Variants in CCAR1 observed in about 807,000 individuals in gnomAD.
CCAR1 encodes cell division cycle and apoptosis regulator protein 1.
CCAR1 carries 78 observed loss-of-function variants against 163.8 expected under a neutral mutation model. The observed-to-expected ratio is 0.48, with a 90% CI of 0.40 to 0.57. The LOEUF is 0.57. CCAR1 is among the 20% of genes least tolerant of loss of function. CCAR1 has a pLI of 0.00. For synonymous variants in CCAR1, 443 were observed against 460.7 expected (o/e 0.96, Z 0.49); for missense variants, 1,019 against 1,365.2 (o/e 0.75, Z 4.00).
chr10:68,755,285 G>A (rs2056384378), intron 12 of CCAR1, 85 bp from the exon 13 acceptor site: 1 of 1,221,150 alleles, frequency 8.2e-7, no homozygotes, highest in South Asian at 1.2e-5. Flanking sequence ...ATATTGGAAA[G>A]GTTTGTACCT....
intron 24 of CCAR1, among the ~76,000 whole-genome samples, chr10:68,790,295 C>T (rs1171009443): frequency 1.3e-5 from 2 of 150,854 alleles, no homozygotes; most frequent in African/African-American, 4.9e-5. Context: ...GCAGAGGTTT[C>T]AGTGAGTCTA....
rs776675130 is a variant in CCAR1, at chr10:68,749,165, G to T, written c.856G>T (p.Val286Phe). 2.5e-6 allele frequency: 4 copies of T among 1,613,674 alleles called. No homozygotes were observed. In the African/African-American group the frequency reaches 5.3e-5, roughly 22 times the overall value. ...TTTATTGCAGCCTCCTGTTCGTATA[G>T]TTTCACAGCCACAACCGGCACGACG... ...AGLLQPPVRI[V>F]SQPQPARRLD... The change falls in exon 9 of 25, where the codon GTT becomes TTT. Residue 286 changes from valine (V) to phenylalanine (F), a missense_variant. Coordinates refer to ENST00000265872, the MANE Select transcript of CCAR1 (RefSeq NM_018237.4).
rs140825306 is a variant in CCAR1, at chr10:68,787,935, G to A, written c.2889G>A (p.Lys963=). The change falls in exon 22 of 25, where the codon AAG becomes AAA. Residue 963 remains lysine (K), a synonymous_variant. Transcript: ENST00000265872. The stretch of plus-strand genomic sequence containing the variant: ...ACTTGCATGCATAACAGGTAAAGAA[G>A]CTTCTTAATAAAGTAGTGCTCCGTG... ...GLHLSRAQVK[K]LLNKVVLRES... 483 of 1,604,772 alleles carry A rather than the reference G, an allele frequency of 3.0e-4. 4 individuals carry two copies. The African/African-American group carries it at 5.9e-3, about 20-fold the overall frequency.
Position 68,791,596 on chromosome 10 carries a change from C to G in CCAR1, c.*330C>G, listed in dbSNP as rs4746788. 0.073 allele frequency: 11,887 copies of G among 162,998 alleles called. 1,260 individuals are homozygous for G. The highest frequency in any genetic ancestry group is 0.24 in the African/African-American group (10,124 of 41,896). The allele number at this position is 162,998 out of a possible 1,614,324, so 10.1% of individuals were successfully genotyped here. A position where few individuals can be genotyped will look rare whatever the true frequency, so the allele number is the denominator to read the frequency against. On this transcript the variant is annotated 3_prime_UTR_variant, in exon 25 of 25. Transcript: ENST00000265872. ...TACCAAATTTCTTTTATTAAAATGC[C>G]TAGAAATTTTTAATTTATAGAATTA... is the stretch of plus-strand genomic sequence containing the variant.
chr10:68,749,690 GTTA>G lies in CCAR1; in HGVS notation c.1118+8_1118+10del. On this transcript the variant is annotated splice_donor_region_variant and intron_variant, in intron 10 of 24. Transcript: ENST00000265872. ...TTCAAAGTTTTCTTTAGATTGGTAG[GTTA>G]TTCCCCACCCATTGTTTTCTTGAGT... is the stretch of plus-strand genomic sequence containing the variant. 1 of 1,595,078 alleles carries G rather than the reference GTTA, an allele frequency of 6.3e-7. No individual in the cohort carries two copies. The highest frequency in any genetic ancestry group is 8.6e-7 in the Non-Finnish European group (1 of 1,165,828).
chr10:68,771,653 C>T (rs1378883124), intron 18 of CCAR1, among the ~76,000 whole-genome samples: 2 of 152,006 alleles, frequency 1.3e-5, no homozygotes, highest in African/African-American at 4.8e-5. Context: ...CATGATGGCA[C>T]ATGCCTATAG....
intron 10 of CCAR1, 98 bp from the exon 11 acceptor site, chr10:68,753,754 A>G (rs906701354): frequency 4.6e-6 from 4 of 866,816 alleles, no homozygotes; most frequent in Non-Finnish European, 7.3e-6. Context: ...TTTTCAGCTT[A>G]CTTTTTACTA....
At chr10:68,741,495 G>A (rs2056183628) in intron 5 of CCAR1, among the ~76,000 whole-genome samples, 2 of 152,042 alleles carry the variant, frequency 1.3e-5, no homozygotes, top group Non-Finnish European at 1.5e-5. Context: ...TATAAACTAC[G>A]TAAAAAGAGC....
At chr10:68,754,488 G>C (rs1415069684) in intron 11 of CCAR1, among the ~76,000 whole-genome samples, 2 of 152,152 alleles carry the variant, frequency 1.3e-5, no homozygotes, top group Admixed American at 1.3e-4. Flanking sequence ...CCCTTCAAAA[G>C]TTAAAACTAA....
In CCAR1 at chr10:68,753,867, G is replaced by C. The variant is rs1378620993; in HGVS notation, c.1134G>C (p.Met378Ile). 2 of 1,613,368 alleles carry C rather than the reference G, an allele frequency of 1.2e-6. No individual in the cohort carries two copies. The highest frequency in any genetic ancestry group is 1.7e-6 in the Non-Finnish European group (2 of 1,179,404). ...KFSLDCPSCDMMELRRRYQNL... is the reference protein window; with the variant it reads ...KFSLDCPSCDIMELRRRYQNL... ...TGTTTTTCAGTCCCAGTTGTGACATGATGGAACTAAGGCGCCGTTATCAAA... is the reference window on the plus strand; with the variant it reads ...TGTTTTTCAGTCCCAGTTGTGACATCATGGAACTAAGGCGCCGTTATCAAA... Residue 378 changes from methionine to isoleucine, a missense_variant, in exon 11 of 25, where the codon ATG (methionine) becomes ATC (isoleucine). By Grantham distance (10) the Met-to-Ile change is conservative. Around this residue, in one of 4 missense-constraint regions of CCAR1, gnomAD observed 644 missense variants for 904.4 expected, o/e 0.71. Coordinates refer to ENST00000265872, the MANE Select transcript of CCAR1 (RefSeq NM_018237.4).
chr10:68,736,647 A>G (rs2056114777), intron 2 of CCAR1, among the ~76,000 whole-genome samples: 1 of 152,144 alleles, frequency 6.6e-6, no homozygotes, highest in Non-Finnish European at 1.5e-5. Context: ...GGTGCAAATT[A>G]CCGGATATTC....
chr10:68,768,617 T>TA (rs747764016), intron 17 of CCAR1, among the ~76,000 whole-genome samples: 3 of 151,814 alleles, frequency 2.0e-5, no homozygotes, highest in African/African-American at 2.4e-5. Flanking sequence ...TCTCAAAAAA[T>TA]AAAAAAAGTA....
intron 2 of CCAR1, among the ~76,000 whole-genome samples, chr10:68,731,264 C>CAGAATTCTAATTACAGAATT: frequency 6.6e-6 from 1 of 152,280 alleles, no homozygotes; most frequent in Admixed American, 6.5e-5. Flanking sequence ...GAATTACTTG[C>CAGAATTCTAATTACAGAATT]AGAATGTTGA....
At chr10:68,758,042 TA>T (rs2056417829) in intron 15 of CCAR1, among the ~76,000 whole-genome samples, 1 of 151,918 alleles carries the variant, frequency 6.6e-6, no homozygotes, top group Admixed American at 6.6e-5. Context: ...TGCCTGGCCG[TA>T]ATTTGGTTTT....
At chr10:68,783,570 C>A (rs1031616821) in intron 19 of CCAR1, among the ~76,000 whole-genome samples, 18 of 152,028 alleles carry the variant, frequency 1.2e-4, no homozygotes, top group African/African-American at 2.4e-5. Flanking sequence ...GAGTTCGAGA[C>A]CAGCCTGGCC....
intron 17 of CCAR1, among the ~76,000 whole-genome samples, chr10:68,766,902 A>G (rs954943176): frequency 3.3e-5 from 5 of 152,126 alleles, no homozygotes; most frequent in African/African-American, 1.2e-4. Context: ...GAAAAAATAG[A>G]TGATTTGTCC....
At chr10:68,784,915 CTTTTTTTTTTT>C (rs754185332) in intron 19 of CCAR1, among the ~76,000 whole-genome samples, 5 of 124,756 alleles carry the variant, frequency 4.0e-5, no homozygotes, top group African/African-American at 1.6e-4. Context: ...GTGAACATAA[CTTTTTTTTTTT>C]TTTTTTTTTG....
chr10:68,754,781 C>T lies in CCAR1; in HGVS notation c.1412C>T (p.Pro471Leu). The T allele has an allele frequency of 6.2e-7, 1 of 1,612,046 alleles. No individual in the cohort carries two copies. The highest frequency in any genetic ancestry group is 8.5e-7 in the Non-Finnish European group (1 of 1,178,288). The change falls in exon 12 of 25, where the codon CCA becomes CTA. Residue 471 changes from proline (P) to leucine (L), a missense_variant. By Grantham distance (98) the Pro-to-Leu change is moderately conservative. Transcript: ENST00000265872. ...AAGTCATGTGCTCTTGCTGAGGACC[C>T]ACAAGAACTTCGAGATGGATTCCAA... ...YHKSCALAEDPQELRDGFQHP... is the reference protein window; with the variant it reads ...YHKSCALAEDLQELRDGFQHP...
chr10:68,742,821 C>T (rs532553142), intron 6 of CCAR1, among the ~76,000 whole-genome samples: 2 of 151,996 alleles, frequency 1.3e-5, no homozygotes, highest in African/African-American at 4.8e-5. Flanking sequence ...TTCACCATGT[C>T]GGCCAGATTG....
Sources: allele counts gnomAD v4.1 joint callset (sites outside exome capture counted in the v4.1 genomes callset), GRCh38; gene constraint gnomAD v4.1.1; regional missense constraint gnomAD v4.1.1; transcripts MANE v1.5; gene names NCBI Gene and HGNC (gene_info 2026-07-23, HGNC 2026-07-21).